Variants in CACNA1A observed in about 807,000 individuals in gnomAD.
CACNA1A encodes voltage-dependent P/Q-type calcium channel subunit alpha-1A.
A neutral mutation model predicts 262.4 loss-of-function variants in CACNA1A; 57 were observed. The observed-to-expected ratio is 0.22, with a 90% CI of 0.18 to 0.27. The LOEUF is 0.27. Among genes scored for constraint, CACNA1A ranks in the 10% least tolerant of loss-of-function variants. CACNA1A has a pLI of 1.00. For missense variants in CACNA1A, 2,526 were observed against 3,562.8 expected (o/e 0.71, Z 7.41); for synonymous variants, 1,431 against 1,419.3 (o/e 1.01, Z -0.18).
chr19:13,301,112 T>C (rs1018296645), intron 17 of CACNA1A, among the ~76,000 whole-genome samples: 5 of 150,862 alleles, frequency 3.3e-5, no homozygotes, highest in African/African-American at 4.9e-5. Context: ...TATGCCTGTA[T>C]ACATTTAATT....
At chr19:13,249,071 T>C (rs1442290034) in intron 30 of CACNA1A, among the ~76,000 whole-genome samples, 1 of 152,130 alleles carries the variant, frequency 6.6e-6, no homozygotes, top group Non-Finnish European at 1.5e-5. Flanking sequence ...TGAGCTCAAG[T>C]AATCCTCCTG....
Position 13,294,487 on chromosome 19 carries a change from CTTTTTTTTT to C in CACNA1A, c.3089+4048_3089+4056del, listed in dbSNP as rs780908964. ...TACAGGTGCATACCACTGTACCTGG[CTTTTTTTTT>C]TTTTTTTTTTTTTTGAGACAGAGTC... On this transcript the variant is annotated intron_variant, in intron 19 of 46. Coordinates refer to ENST00000360228, the MANE Select transcript of CACNA1A (RefSeq NM_001127222.2). Among the ~76,000 whole-genome samples the C allele has an allele frequency of 5.5e-5, 4 of 72,526 alleles. No homozygotes were observed. The East Asian group carries it at 1.5e-3, about 27-fold the overall frequency. The allele number at this position is 72,526 out of a possible 152,430, so 47.6% of individuals were successfully genotyped here.
At chr19:13,352,922 G>A (rs192768439) in intron 6 of CACNA1A, among the ~76,000 whole-genome samples, 4 of 152,108 alleles carry the variant, frequency 2.6e-5, no homozygotes, top group Non-Finnish European at 5.9e-5. Context: ...ACAGGCGCCC[G>A]CCACCATGCC....
intron 3 of CACNA1A, among the ~76,000 whole-genome samples, chr19:13,393,870 C>T (rs560634796): frequency 6.8e-6 from 1 of 146,992 alleles, no homozygotes; most frequent in East Asian, 2.1e-4. Context: ...CGCTGGGGAG[C>T]GATAGCATGA....
intron 23 of CACNA1A, among the ~76,000 whole-genome samples, chr19:13,276,760 A>T (rs1490788788): frequency 6.7e-6 from 1 of 149,552 alleles, no homozygotes; most frequent in East Asian, 2.0e-4. Context: ...TGCAGTGGCA[A>T]GATCTCGGCT....
chr19:13,258,791 G>A (rs1600189193), intron 27 of CACNA1A: 1 of 152,128 alleles, frequency 6.6e-6, no homozygotes. Flanking sequence ...TTACTTGGAC[G>A]AGGTGAGGGA....
intron 3 of CACNA1A, among the ~76,000 whole-genome samples, chr19:13,394,810 T>G (rs537045494): frequency 6.6e-5 from 10 of 152,296 alleles, no homozygotes; most frequent in African/African-American, 2.2e-4. Context: ...CCTGCCCTTC[T>G]ATCTCTTAGT....
At chr19:13,260,007 T>A (rs2056687055) in intron 26 of CACNA1A, 1 of 274,160 alleles carries the variant, frequency 3.6e-6, no homozygotes, top group South Asian at 5.3e-5. Flanking sequence ...AGCCTCAGGC[T>A]TGCTGGGGGT....
rs531133714 is a variant in CACNA1A at position 13,457,284 on chromosome 19, A to C, written c.294-2072T>G. ...ACAACAACAAAAACAACAACAACAA[A>C]AAAACACCAGTGCAACTGCCATAGA... On this transcript the variant is annotated intron_variant, in intron 1 of 46. Transcript: ENST00000360228. 5.3e-5 allele frequency among the ~76,000 whole-genome samples: 8 copies of C among 152,134 alleles called. No homozygotes were observed. The South Asian group carries it at 6.3e-4, about 12-fold the overall frequency.
chr19:13,417,166 G>A (rs116609012), intron 3 of CACNA1A, among the ~76,000 whole-genome samples: 4,864 of 152,194 alleles, frequency 0.032, 236 homozygotes, highest in African/African-American at 0.11. Flanking sequence ...GTCAGAAAGC[G>A]ACTGCCAAGA....
rs1434783299 is a variant in CACNA1A at position 13,453,022 on chromosome 19, G to A, written c.400-7C>T. 1 of 1,613,890 alleles carries A rather than the reference G, an allele frequency of 6.2e-7. No homozygotes were observed. The highest frequency in any genetic ancestry group is 1.7e-5 in the Admixed American group (1 of 60,022). ...AGTATGGTTCTGTGTCATCCTGGAA[G>A]GGAGAGAAGGCAAGGTCAGCGTCTT... is the stretch of plus-strand genomic sequence containing the variant. On this transcript the variant is annotated splice_polypyrimidine_tract_variant and splice_region_variant and intron_variant, in intron 2 of 46. Coordinates refer to ENST00000360228, the MANE Select transcript of CACNA1A (RefSeq NM_001127222.2).
intron 8 of CACNA1A, 96 bp downstream of exon 8, chr19:13,334,282 A>G (rs1300339749): frequency 1.3e-6 from 1 of 742,230 alleles, no homozygotes; most frequent in African/African-American, 1.7e-5. Flanking sequence ...TCCCATCATA[A>G]CCCTCCCAGC....
intron 36 of CACNA1A, among the ~76,000 whole-genome samples, chr19:13,228,001 C>T (rs988783273): frequency 1.3e-5 from 2 of 150,920 alleles, no homozygotes; most frequent in Non-Finnish European, 2.9e-5. Context: ...GCAGCCTCCA[C>T]CTCCTGGGCT....
intron 3 of CACNA1A, among the ~76,000 whole-genome samples, chr19:13,395,142 C>T (rs1328924849): frequency 2.0e-5 from 3 of 149,404 alleles, no homozygotes; most frequent in East Asian, 2.0e-4. Flanking sequence ...GGCATGGTGG[C>T]GCGCACCTCT....
intron 6 of CACNA1A, among the ~76,000 whole-genome samples, chr19:13,355,204 C>G (rs1420149513): frequency 1.3e-5 from 2 of 152,088 alleles, no homozygotes. Context: ...TGACAGAAGA[C>G]TGGAATGGAG....
intron 3 of CACNA1A, among the ~76,000 whole-genome samples, chr19:13,385,022 C>G (rs1207621963): frequency 6.6e-6 from 1 of 152,016 alleles, no homozygotes; most frequent in Non-Finnish European, 1.5e-5. Context: ...AATAAAGTAA[C>G]CACTAGCCAC....
chr19:13,452,867 G>A lies in CACNA1A; in HGVS notation c.539+9C>T, dbSNP rs369146237. The A allele has an allele frequency of 6.2e-5, 100 of 1,612,440 alleles. No individual in the cohort carries two copies. Among genetic ancestry groups the A allele is most frequent in the African/African-American group, 1.5e-4 (11 of 74,822 alleles). On this transcript the variant is annotated intron_variant, in intron 3 of 46. Coordinates refer to ENST00000360228, the MANE Select transcript of CACNA1A (RefSeq NM_001127222.2). ...GTTAAATCCAAAGCGTATAGCACGCGCCACTTACCCCGTTAGCACCACCAC... is the reference window on the plus strand; with the variant it reads ...GTTAAATCCAAAGCGTATAGCACGCACCACTTACCCCGTTAGCACCACCAC...
chr19:13,436,236 A>G (rs2060609149), intron 3 of CACNA1A, among the ~76,000 whole-genome samples: 2 of 152,116 alleles, frequency 1.3e-5, no homozygotes. Flanking sequence ...GGCTTCCCAC[A>G]TTGTCCCCTT....
chr19:13,464,754 T>TA, intron 1 of CACNA1A, among the ~76,000 whole-genome samples: 1 of 151,900 alleles, frequency 6.6e-6, no homozygotes, highest in Non-Finnish European at 1.5e-5. Flanking sequence ...TTCACCGTGT[T>TA]AGCCAGGGTG....
Sources: gnomAD v4.1 joint callset for allele counts (sites outside exome capture counted in the v4.1 genomes callset) on GRCh38, gnomAD v4.1.1 for gene constraint, MANE v1.5 for transcripts, NCBI Gene and HGNC (gene_info 2026-07-23, HGNC 2026-07-21) for gene names.